The following SULT1E1 variants were observed in gnomAD, a reference collection of about 807,000 sequenced individuals.
The protein encoded by SULT1E1 is sulfotransferase family 1E member 1.
Under a neutral mutation model 33.6 loss-of-function variants are expected in SULT1E1, and 36 were observed. The observed-to-expected ratio is 1.07, with a 90% CI of 0.82 to 1.41. The LOEUF (loss-of-function observed/expected upper bound fraction) is 1.41, where lower values mean the gene tolerates loss of function less well. Among genes scored for constraint, SULT1E1 ranks in the 40% most tolerant of loss-of-function variants. The pLI is 0.00. For synonymous variants in SULT1E1, 121 were observed against 111.7 expected (o/e 1.08, Z -0.53); for missense variants, 371 against 345.7 (o/e 1.07, Z -0.58).
chr4:69,837,499 A>C (rs943170171), downstream of SULT1E1, among the ~76,000 whole-genome samples: 3 of 152,138 alleles, frequency 2.0e-5, no homozygotes, highest in African/African-American at 4.8e-5. Context: ...AAGGATGAAG[A>C]TATAACTCTA....
At chr4:69,834,332 G>A in the SULT1E1 span, among the ~76,000 whole-genome samples, 1 of 152,114 alleles carries the variant, frequency 6.6e-6, no homozygotes, top group African/African-American at 2.4e-5. Context: ...ACAAAGGGAG[G>A]AAAAGACTTC....
chr4:69,831,341 A>C, the SULT1E1 span, among the ~76,000 whole-genome samples: 3 of 152,074 alleles, frequency 2.0e-5, no homozygotes, highest in African/African-American at 7.2e-5. Flanking sequence ...AGTGTCTTAC[A>C]ATATGCTGCC....
At chr4:69,859,943 G>T in intron 1 of SULT1E1, 106 bp downstream of exon 1, 1 of 151,888 alleles carries the variant, frequency 6.6e-6, no homozygotes, top group African/African-American at 2.4e-5. Context: ...TCAAGACTTT[G>T]GTCTTTGTAT....
chr4:69,847,417 C>T (rs1419738907), intron 6 of SULT1E1, among the ~76,000 whole-genome samples: 3 of 149,320 alleles, frequency 2.0e-5, no homozygotes, highest in African/African-American at 7.4e-5. Flanking sequence ...TGTGTGTGTG[C>T]CTATGTGTGT....
chr4:69,839,545 C>A (rs776044729), downstream of SULT1E1, among the ~76,000 whole-genome samples: 12 of 152,208 alleles, frequency 7.9e-5, no homozygotes, highest in Non-Finnish European at 1.5e-4. Flanking sequence ...AGTCCATAAA[C>A]CTTTAAAAAG....
chr4:69,826,186 C>T, the SULT1E1 span, among the ~76,000 whole-genome samples: 1 of 152,184 alleles, frequency 6.6e-6, no homozygotes, highest in South Asian at 2.1e-4. Context: ...TCCTTCCTTC[C>T]CTCAGGGTAT....
the SULT1E1 span, among the ~76,000 whole-genome samples, chr4:69,827,022 G>T: frequency 6.6e-6 from 1 of 151,990 alleles, no homozygotes; most frequent in Non-Finnish European, 1.5e-5. Flanking sequence ...CGGTTATGTC[G>T]CCTTCAAGCT....
In SULT1E1 at chr4:69,842,003, A is replaced by G; in HGVS notation, c.876T>C (p.Thr292=). The change falls in exon 8 of 8, where the codon ACT becomes ACC. Residue 292 remains threonine (T), a synonymous_variant. Transcript: ENST00000226444. ...QMKESTLKFR[T]EI is the part of the protein sequence containing the mutation. ...GTAAAGAAAGACCTTCTTAGATCTC[A>G]GTTCGAAACTTCAGTGTAGATTCCT... 6.3e-7 allele frequency: 1 copy of G among 1,587,138 alleles called. No individual in the cohort carries two copies. The highest frequency in any genetic ancestry group is 2.2e-5 in the East Asian group (1 of 44,508).
At chr4:69,828,044 A>G in the SULT1E1 span, among the ~76,000 whole-genome samples, 1 of 152,200 alleles carries the variant, frequency 6.6e-6, no homozygotes, top group Admixed American at 6.5e-5. Context: ...ATCCAACAAC[A>G]GGACTGAGGA....
Position 69,842,107 on chromosome 4 carries a change from C to T in SULT1E1, c.773-1G>A. ...TGATTTTTCCAGTCTCCTGTAATTCCTGTAACAAAAAAGAAAGCTCAATAA... is the reference window on the plus strand; with the variant it reads ...TGATTTTTCCAGTCTCCTGTAATTCTTGTAACAAAAAAGAAAGCTCAATAA... On this transcript the variant is annotated splice_acceptor_variant, in intron 7 of 7. Coordinates refer to ENST00000226444, the MANE Select transcript of SULT1E1 (RefSeq NM_005420.3). LOFTEE classifies it high-confidence loss of function. 1.3e-6 allele frequency: 2 copies of T among 1,551,274 alleles called. No individual in the cohort carries two copies. The highest frequency in any genetic ancestry group is 1.8e-6 in the Non-Finnish European group (2 of 1,135,042).
downstream of SULT1E1, among the ~76,000 whole-genome samples, chr4:69,836,869 TCTAA>T (rs148279536): frequency 0.078 from 11,893 of 152,212 alleles, 559 homozygotes; most frequent in African/African-American, 0.13. Flanking sequence ...ATAGACAATA[TCTAA>T]CTGTTATAAA....
the SULT1E1 span, among the ~76,000 whole-genome samples, chr4:69,835,267 G>A: frequency 1.3e-5 from 2 of 152,068 alleles, no homozygotes; most frequent in Non-Finnish European, 2.9e-5. Flanking sequence ...GCATCCTGTT[G>A]TCATGCTAAA....
At chr4:69,846,679 C>T (rs959610113) in intron 6 of SULT1E1, among the ~76,000 whole-genome samples, 4 of 151,566 alleles carry the variant, frequency 2.6e-5, no homozygotes, top group Non-Finnish European at 4.4e-5. Flanking sequence ...TTTGCCTTTG[C>T]TAGATAATGA....
intron 7 of SULT1E1, among the ~76,000 whole-genome samples, chr4:69,842,419 A>G (rs1317641809): frequency 2.0e-5 from 3 of 152,206 alleles, no homozygotes; most frequent in Admixed American, 2.0e-4. Flanking sequence ...ACCCACTCTC[A>G]AGGTGTTAAA....
At chr4:69,843,890 A>T (rs1456455169) in intron 7 of SULT1E1, among the ~76,000 whole-genome samples, 1 of 152,202 alleles carries the variant, frequency 6.6e-6, no homozygotes, top group East Asian at 1.9e-4. Context: ...GGCTTGGTAA[A>T]TTACAGCTAG....
the SULT1E1 span, among the ~76,000 whole-genome samples, chr4:69,826,225 C>G: frequency 2.6e-5 from 4 of 152,212 alleles, no homozygotes; most frequent in South Asian, 8.3e-4. Flanking sequence ...GGGGACATAA[C>G]ATCTTTATAG....
the SULT1E1 span, among the ~76,000 whole-genome samples, chr4:69,832,173 T>A: frequency 6.6e-6 from 1 of 152,268 alleles, no homozygotes; most frequent in East Asian, 1.9e-4. Context: ...CTTCTGGGAT[T>A]GTCCTGTAAC....
the SULT1E1 span, among the ~76,000 whole-genome samples, chr4:69,824,556 C>T: frequency 3.3e-5 from 5 of 152,062 alleles, no homozygotes; most frequent in African/African-American, 9.7e-5. Flanking sequence ...AACCCTGCTG[C>T]CCCTAGTGAG....
Position 69,847,793 on chromosome 4 carries a change from C to T in SULT1E1, c.497-1G>A. Reference sequence around the variant, plus strand: ...TGTTTATACCAGGAACCATAAGGAACTAAAATTAGAGAGAAAAACAGTGTA... The same window carrying T: ...TGTTTATACCAGGAACCATAAGGAATTAAAATTAGAGAGAAAAACAGTGTA... On this transcript the variant is annotated splice_acceptor_variant, in intron 5 of 7. Transcript: ENST00000226444. LOFTEE classifies it high-confidence loss of function. 1 of 1,599,710 alleles carries T rather than the reference C, an allele frequency of 6.3e-7. No homozygotes were observed. The highest frequency in any genetic ancestry group is 8.6e-7 in the Non-Finnish European group (1 of 1,169,572).
Sources: gnomAD v4.1 joint callset for allele counts (sites outside exome capture counted in the v4.1 genomes callset) on GRCh38, gnomAD v4.1.1 for gene constraint, MANE v1.5 for transcripts, NCBI Gene and HGNC (gene_info 2026-07-23, HGNC 2026-07-21) for gene names.